B3GALT1: variants seen among roughly 807,000 people sequenced by gnomAD.
B3GALT1 encodes the protein beta-1,3-galactosyltransferase 1.
Under a neutral mutation model 23.2 loss-of-function variants are expected in B3GALT1, and 10 were observed. The ratio of observed to expected loss-of-function variants is 0.43; its 90% confidence interval spans 0.27 to 0.73. B3GALT1 has a LOEUF of 0.73. B3GALT1 is among the 30% of genes least tolerant of loss of function. The probability of loss-of-function intolerance (pLI) is 0.21; values close to 1 mark genes in which losing one functional copy is unlikely to be tolerated. For missense variants in B3GALT1, 299 were observed against 405.4 expected (o/e 0.74, Z 2.25); for synonymous variants, 156 against 141.5 (o/e 1.10, Z -0.73).
At chr2:167,364,849 C>T (rs1363196825) in intron 1 of B3GALT1, among the ~76,000 whole-genome samples, 1 of 152,078 alleles carries the variant, frequency 6.6e-6, no homozygotes, top group Non-Finnish European at 1.5e-5. Flanking sequence ...TATTGCAAGA[C>T]TATGTAGAAT....
At chr2:167,677,565 T>C (rs1251605676) in intron 3 of B3GALT1, among the ~76,000 whole-genome samples, 1 of 152,306 alleles carries the variant, frequency 6.6e-6, no homozygotes, top group Middle Eastern at 3.4e-3. Context: ...CCCCAGGCTG[T>C]GATCCCAGAA....
At chr2:167,353,640 TTG>T (rs1269365035) in intron 1 of B3GALT1, among the ~76,000 whole-genome samples, 2 of 152,164 alleles carry the variant, frequency 1.3e-5, no homozygotes, top group African/African-American at 4.8e-5. Context: ...ATTATGTAGT[TTG>T]TATCATTGCA....
intron 1 of B3GALT1, among the ~76,000 whole-genome samples, chr2:167,311,441 A>G (rs1300146511): frequency 2.0e-5 from 3 of 152,044 alleles, no homozygotes; most frequent in Non-Finnish European, 4.4e-5. Flanking sequence ...AGATTATATG[A>G]GTGTTCTATG....
At chr2:167,834,916 C>G (rs1045799834) in intron 4 of B3GALT1, among the ~76,000 whole-genome samples, 1 of 152,124 alleles carries the variant, frequency 6.6e-6, no homozygotes, top group African/African-American at 2.4e-5. Context: ...AAGGAGAGGC[C>G]TGACATTTTT....
chr2:167,787,847 C>T (rs1228829839), intron 3 of B3GALT1, among the ~76,000 whole-genome samples: 1 of 152,200 alleles, frequency 6.6e-6, no homozygotes, highest in African/African-American at 2.4e-5. Flanking sequence ...GAGTACTGTT[C>T]AGGGGATCCT....
intron 3 of B3GALT1, among the ~76,000 whole-genome samples, chr2:167,723,293 C>T (rs1420576423): frequency 6.6e-6 from 1 of 152,184 alleles, no homozygotes; most frequent in Non-Finnish European, 1.5e-5. Flanking sequence ...ATTATTGATG[C>T]AGTCTTCTCA....
At chr2:167,715,051 A>C (rs1487037021) in intron 3 of B3GALT1, 1 of 1,611,770 alleles carries the variant, frequency 6.2e-7, no homozygotes, top group Non-Finnish European at 8.5e-7. Context: ...CAGATAACTG[A>C]ATAATAATGT....
At chr2:167,734,602 C>T (rs1275263843) in intron 3 of B3GALT1, among the ~76,000 whole-genome samples, 2 of 152,024 alleles carry the variant, frequency 1.3e-5, no homozygotes, top group African/African-American at 4.8e-5. Flanking sequence ...CAGGTAGTCC[C>T]AACAGCCTTG....
chr2:167,656,860 A>AT (rs750551310), intron 3 of B3GALT1, among the ~76,000 whole-genome samples: 5 of 152,076 alleles, frequency 3.3e-5, no homozygotes, highest in Admixed American at 2.0e-4. Context: ...GGATGAATAG[A>AT]TTTTTTGTCT....
chr2:167,617,406 A>G (rs1685179226), intron 2 of B3GALT1, among the ~76,000 whole-genome samples: 1 of 152,076 alleles, frequency 6.6e-6, no homozygotes, highest in Non-Finnish European at 1.5e-5. Flanking sequence ...TATGCTTAGA[A>G]CAATTATAAG....
intron 3 of B3GALT1, among the ~76,000 whole-genome samples, chr2:167,745,763 A>G (rs1687642754): frequency 6.6e-6 from 1 of 152,026 alleles, no homozygotes; most frequent in Admixed American, 6.6e-5. Flanking sequence ...AGAATTCTGA[A>G]AATTTATTCT....
chr2:167,431,926 AC>A lies in B3GALT1; in HGVS notation c.-510-58250del, dbSNP rs200261233. ...GGAAACTCCAGAATAAAGCCTCAAAACTACCACTAATTTAAAATTCTTTCTA... is the reference window on the plus strand; with the variant it reads ...GGAAACTCCAGAATAAAGCCTCAAAATACCACTAATTTAAAATTCTTTCTA... On this transcript the variant is annotated intron_variant, in intron 1 of 4. Transcript: ENST00000392690. Among the ~76,000 whole-genome samples the A allele has an allele frequency of 4.7e-3, 721 of 152,304 alleles. 6 individuals are homozygous for A. Among genetic ancestry groups the A allele is most frequent in the East Asian group, 0.018 (92 of 5,180 alleles).
intron 2 of B3GALT1, among the ~76,000 whole-genome samples, chr2:167,560,621 C>A (rs1683960995): frequency 6.6e-6 from 1 of 151,682 alleles, no homozygotes. Flanking sequence ...ATCTACCAAG[C>A]AAATGGAAAA....
intron 3 of B3GALT1, among the ~76,000 whole-genome samples, chr2:167,775,309 G>T (rs138458627): frequency 6.6e-6 from 1 of 152,124 alleles, no homozygotes; most frequent in Non-Finnish European, 1.5e-5. Flanking sequence ...GGTATCTCAC[G>T]CCTGTAATCC....
chr2:167,587,109 T>A (rs10188352), intron 2 of B3GALT1, among the ~76,000 whole-genome samples: 26,808 of 152,122 alleles, frequency 0.18, 2,429 homozygotes, highest in Non-Finnish European at 0.18. Flanking sequence ...TTGTGTCTAA[T>A]CTCAACTAAC....
intron 1 of B3GALT1, among the ~76,000 whole-genome samples, chr2:167,479,290 T>A (rs9287882): frequency 0.83 from 126,257 of 151,972 alleles, 53,038 homozygotes; most frequent in East Asian, 0.99. Flanking sequence ...ATTTATTATT[T>A]TTATCTAGAT....
chr2:167,868,893 C>A lies in B3GALT1; in HGVS notation c.-147C>A. On this transcript the variant is annotated 5_prime_UTR_variant, in exon 5 of 5. Coordinates refer to ENST00000392690, the MANE Select transcript of B3GALT1 (RefSeq NM_020981.4). ...AATGAGCGCAGAGGTGACAGACAGC[C>A]ACTGAGGCCCATGGACAATCTCCAC... is the stretch of plus-strand genomic sequence containing the variant. 1.1e-6 allele frequency: 1 copy of A among 891,752 alleles called. No individual in the cohort carries two copies. Among genetic ancestry groups the A allele is most frequent in the Non-Finnish European group, 1.7e-6 (1 of 592,288 alleles). 55.2% of individuals were successfully genotyped at this position (891,752 alleles called of 1,614,324 possible). A position where few individuals can be genotyped will look rare whatever the true frequency, so the allele number is the denominator to read the frequency against.
intron 2 of B3GALT1, among the ~76,000 whole-genome samples, chr2:167,626,688 A>G (rs975602664): frequency 3.3e-5 from 5 of 151,820 alleles, no homozygotes; most frequent in Non-Finnish European, 7.4e-5. Context: ...GAAGAAAGTT[A>G]AACATTGAAA....
At chr2:167,369,732 C>T (rs1005240373) in intron 1 of B3GALT1, among the ~76,000 whole-genome samples, 2 of 152,066 alleles carry the variant, frequency 1.3e-5, no homozygotes, top group African/African-American at 4.8e-5. Context: ...ACGGCATGTG[C>T]AGCAGCCAAC....
Sources: allele counts gnomAD v4.1 joint callset (sites outside exome capture counted in the v4.1 genomes callset), GRCh38; gene constraint gnomAD v4.1.1; transcripts MANE v1.5; gene names NCBI Gene and HGNC (gene_info 2026-07-23, HGNC 2026-07-21).